DYNC2H1: variants seen among roughly 807,000 people sequenced by gnomAD.
DYNC2H1 encodes the protein cytoplasmic dynein 2 heavy chain 1.
DYNC2H1 carries 410 observed loss-of-function variants against 570.0 expected under a neutral mutation model. That is an observed-to-expected ratio of 0.72 (90% CI 0.66 to 0.78). The LOEUF (loss-of-function observed/expected upper bound fraction) is 0.78. Ranked by LOEUF, DYNC2H1 falls within the 30% of genes least tolerant of loss-of-function variation. The pLI is 0.00. For synonymous variants in DYNC2H1, 1,688 were observed against 1,677.6 expected, an observed-to-expected ratio of 1.01 and a Z score of -0.15; for missense variants, 4,865 against 5,046.4, an observed-to-expected ratio of 0.96 and a Z score of 1.09.
intron 75 of DYNC2H1, among the ~76,000 whole-genome samples, chr11:103,288,684 TAAAAAAAAA>T (rs57040929): frequency 1.1e-4 from 3 of 27,904 alleles, no homozygotes; most frequent in Non-Finnish European, 1.8e-4. Flanking sequence ...CCGTCTCTAC[TAAAAAAAAA>T]AAAAAAAAAA....
Position 103,222,100 on chromosome 11 carries a change from A to C in DYNC2H1, c.9178A>C (p.Arg3060=), listed in dbSNP as rs200515728. 2.2e-5 allele frequency: 36 copies of C among 1,606,316 alleles called. No individual in the cohort carries two copies. The Admixed American group carries it at 4.7e-4, about 21-fold the overall frequency. ...FDARNISKEI[R]ESVEELLFKN... ...TGCCCGAAATATTTCAAAGGAAATA[A>C]GAGAGAGTGTTGAAGAACTTCTTTT... Residue 3060 remains arginine (R), a synonymous_variant, in exon 58 of 89, where the codon AGA becomes CGA. Coordinates refer to ENST00000375735, the MANE Select transcript of DYNC2H1 (RefSeq NM_001377.3).
In DYNC2H1 at chr11:103,312,021, C is replaced by G. The variant is rs1003680308; in HGVS notation, c.11637C>G (p.Asn3879Lys). 9 of 1,610,090 alleles carry G rather than the reference C, an allele frequency of 5.6e-6. No homozygotes were observed. The highest frequency in any genetic ancestry group is 7.6e-6 in the Non-Finnish European group (9 of 1,178,832). The change falls in exon 79 of 89, where the codon AAC becomes AAG. Residue 3879 changes from asparagine (N) to lysine (K), a missense_variant. By Grantham distance (94) the Asn-to-Lys change is moderately conservative. Around this residue, in one of 5 missense-constraint regions of DYNC2H1, gnomAD observed 2,401 missense variants for 2,454.6 expected, o/e 0.98. Coordinates refer to ENST00000375735, the MANE Select transcript of DYNC2H1 (RefSeq NM_001377.3). ...WFHAACQERR[N>K]YIPQGWTKFY... The stretch of plus-strand genomic sequence containing the variant: ...ATGCTGCATGTCAAGAAAGAAGAAA[C>G]TATATTCCTCAGGTAAGTAAGAACA...
chr11:103,467,253 G>C (rs1322631469), intron 87 of DYNC2H1, among the ~76,000 whole-genome samples: 1 of 152,106 alleles, frequency 6.6e-6, no homozygotes, highest in Non-Finnish European at 1.5e-5. Flanking sequence ...GAATATTTAA[G>C]TATTAAATAA....
intron 83 of DYNC2H1, among the ~76,000 whole-genome samples, chr11:103,381,191 A>G (rs1455396925): frequency 2.0e-5 from 3 of 152,198 alleles, no homozygotes; most frequent in Admixed American, 6.5e-5. Flanking sequence ...GGACTTTAGT[A>G]TTGTGGCAGT....
intron 75 of DYNC2H1, chr11:103,287,828 A>G: frequency 2.3e-6 from 1 of 437,498 alleles, no homozygotes. Context: ...CCTGCTGCCT[A>G]GACAGAGCTG....
chr11:103,167,030 G>T (rs1440151596), intron 31 of DYNC2H1, among the ~76,000 whole-genome samples: 1 of 30,024 alleles, frequency 3.3e-5, no homozygotes, highest in Non-Finnish European at 7.0e-5. Flanking sequence ...CTCTTTATTA[G>T]CCTGCATAAT....
rs940398942 is a variant in DYNC2H1 at position 103,280,280 on chromosome 11, T to G, written c.10696-68T>G. ...AATAGAGATTTTTGTGTGCCAAATT[T>G]TAACGACTATGCTTTTCCAAAGACA... On this transcript the variant is annotated intron_variant, in intron 70 of 88. Transcript: ENST00000375735. This position sits in a 1 kb window ranked among gnomAD's most constrained non-coding sequence, Gnocchi z 4.7. 2.0e-6 allele frequency: 3 copies of G among 1,488,380 alleles called. No individual in the cohort carries two copies. The African/African-American group carries it at 4.2e-5, about 21-fold the overall frequency. The allele number at this position is 1,488,380 out of a possible 1,614,324, so 92.2% of individuals were successfully genotyped here.
rs539262612 is a variant in DYNC2H1, at chr11:103,201,269, G to A, written c.8197+1115G>A. On this transcript the variant is annotated intron_variant, in intron 50 of 88. Transcript: ENST00000375735. This position sits in a 1 kb window ranked among gnomAD's most constrained non-coding sequence, Gnocchi z 4.8. ...TACAAATACTCTCTAGAAATTTATGGCTAAGTGGGCTCTCTATGTATCTGG... is the reference window on the plus strand; with the variant it reads ...TACAAATACTCTCTAGAAATTTATGACTAAGTGGGCTCTCTATGTATCTGG... 2.4e-4 allele frequency among the ~76,000 whole-genome samples: 36 copies of A among 152,148 alleles called. 1 individual carries two copies. In the South Asian group the frequency reaches 7.3e-3, roughly 31 times the overall value.
At chr11:103,412,673 C>A (rs2135691374) in intron 84 of DYNC2H1, among the ~76,000 whole-genome samples, 1 of 152,190 alleles carries the variant, frequency 6.6e-6, no homozygotes, top group East Asian at 1.9e-4. Flanking sequence ...AGCAATATGG[C>A]AAAAATGCTA....
intron 84 of DYNC2H1, among the ~76,000 whole-genome samples, chr11:103,421,040 A>G (rs1943469326): frequency 6.6e-6 from 1 of 152,218 alleles, no homozygotes; most frequent in Non-Finnish European, 1.5e-5. Flanking sequence ...AAAATTTACC[A>G]AGCAAATGGA....
intron 83 of DYNC2H1, among the ~76,000 whole-genome samples, chr11:103,389,982 G>A (rs541795806): frequency 1.6e-4 from 25 of 152,184 alleles, no homozygotes; most frequent in Non-Finnish European, 3.7e-4. Context: ...TGTTGATTTT[G>A]GGTGGAGAGT....
intron 88 of DYNC2H1, among the ~76,000 whole-genome samples, chr11:103,470,013 GA>G (rs370336539): frequency 1.0e-3 from 153 of 147,258 alleles, no homozygotes; most frequent in East Asian, 5.1e-3. Context: ...TCATGAGGAG[GA>G]AAAAAAAAAG....
At chr11:103,230,574 A>C (rs1052326382) in intron 59 of DYNC2H1, among the ~76,000 whole-genome samples, 6 of 152,192 alleles carry the variant, frequency 3.9e-5, no homozygotes, top group Admixed American at 3.3e-4. Context: ...ACTCTTTGTA[A>C]TATCAATTAT....
chr11:103,125,172 T>A lies in DYNC2H1; in HGVS notation c.1734T>A (p.Arg578=). The part of the protein sequence containing the change: ...DGLLKVHYSD[R]LVILLREVRQ... ...TACTAAAAGTGCATTATTCAGATCG[T>A]TTGGTGATTCTTCTGAGAGAAGTTC... is the stretch of plus-strand genomic sequence containing the variant. Residue 578 remains arginine (R), a synonymous_variant, in exon 12 of 89, where the codon CGT becomes CGA. Transcript: ENST00000375735. 6.2e-7 allele frequency: 1 copy of A among 1,613,746 alleles called. No homozygotes were observed. The highest frequency in any genetic ancestry group is 8.5e-7 in the Non-Finnish European group (1 of 1,179,796).
chr11:103,306,953 G>A (rs1331007919), intron 77 of DYNC2H1, among the ~76,000 whole-genome samples: 1 of 152,104 alleles, frequency 6.6e-6, no homozygotes, highest in Non-Finnish European at 1.5e-5. Flanking sequence ...AGAATACTGT[G>A]GGAAAAATTT....
chr11:103,260,739 C>G (rs1301078536), intron 70 of DYNC2H1, among the ~76,000 whole-genome samples: 1 of 151,506 alleles, frequency 6.6e-6, no homozygotes, highest in Non-Finnish European at 1.5e-5. Flanking sequence ...CCTGCTTCAG[C>G]CTCCCAAGTA....
chr11:103,286,540 A>G (rs1017200475), intron 74 of DYNC2H1, among the ~76,000 whole-genome samples, 154 bp downstream of exon 74: 11 of 152,180 alleles, frequency 7.2e-5, no homozygotes, highest in African/African-American at 2.7e-4. Flanking sequence ...CTTATTGACA[A>G]TTAAATCACG....
intron 1 of DYNC2H1, among the ~76,000 whole-genome samples, chr11:103,110,561 T>C (rs1858065419): frequency 6.6e-6 from 1 of 152,104 alleles, no homozygotes. Context: ...GTGTACATCA[T>C]GTGATATACT....
intron 83 of DYNC2H1, among the ~76,000 whole-genome samples, chr11:103,387,118 CA>C (rs1209503773): frequency 6.6e-6 from 1 of 152,172 alleles, no homozygotes; most frequent in Non-Finnish European, 1.5e-5. Flanking sequence ...GTCCCACCAA[CA>C]GTGTAAAAGT....
Sources: gnomAD v4.1 joint callset for allele counts (sites outside exome capture counted in the v4.1 genomes callset) on GRCh38, gnomAD v4.1.1 for gene constraint, gnomAD v4.1.1 regional missense constraint, Gnocchi (gnomAD v3.1) non-coding constraint, MANE v1.5 for transcripts, NCBI Gene and HGNC (gene_info 2026-07-23, HGNC 2026-07-21) for gene names.